RAVER2: variants seen among roughly 807,000 people sequenced by gnomAD.
RAVER2 encodes ribonucleoprotein, PTB binding 2.
RAVER2 carries 46 observed loss-of-function variants against 78.1 expected under a neutral mutation model. The observed-to-expected ratio is 0.59, with a 90% confidence interval of 0.46 to 0.75. The LOEUF is 0.75. Ranked by LOEUF, RAVER2 falls within the 30% of genes least tolerant of loss-of-function variation. The probability of loss-of-function intolerance (pLI) is 0.00; values close to 1 mark genes in which losing one functional copy is unlikely to be tolerated. For missense variants in RAVER2, 793 were observed against 837.5 expected (o/e 0.95, Z 0.66); for synonymous variants, 311 against 313.3 (o/e 0.99, Z 0.08).
intron 11 of RAVER2, among the ~76,000 whole-genome samples, chr1:64,823,209 T>A (rs988224416): frequency 6.6e-6 from 1 of 152,220 alleles, no homozygotes; most frequent in African/African-American, 2.4e-5. Context: ...CATTTTCATT[T>A]AGTGTTTTAG....
At chr1:64,799,517 A>G (rs886194724) in intron 5 of RAVER2, among the ~76,000 whole-genome samples, 1 of 152,108 alleles carries the variant, frequency 6.6e-6, no homozygotes, top group Non-Finnish European at 1.5e-5. Context: ...ATCTCAGCTC[A>G]CTGCAACCTC....
chr1:64,759,125 G>C (rs996861256), intron 1 of RAVER2, among the ~76,000 whole-genome samples: 1 of 151,672 alleles, frequency 6.6e-6, no homozygotes, highest in Non-Finnish European at 1.5e-5. Flanking sequence ...TTGAAGAAGT[G>C]AGTTACAAAT....
At chr1:64,780,144 G>A (rs1471147123) in intron 3 of RAVER2, among the ~76,000 whole-genome samples, 1 of 152,052 alleles carries the variant, frequency 6.6e-6, no homozygotes, top group South Asian at 2.1e-4. Flanking sequence ...TTTATCAGTG[G>A]GTCTGTTAAC....
intron 1 of RAVER2, among the ~76,000 whole-genome samples, chr1:64,763,767 G>A (rs1408667346): frequency 6.6e-6 from 1 of 152,022 alleles, no homozygotes; most frequent in African/African-American, 2.4e-5. Flanking sequence ...GCTGGGCATG[G>A]TGATGGGCAC....
At position 64,828,329 on chromosome 1, in the gene RAVER2, AG is replaced by A. The variant is rs528022474; in HGVS notation, c.1930-2508del. Among the ~76,000 whole-genome samples, 347 of 152,266 alleles carry A rather than the reference AG, an allele frequency of 2.3e-3. 1 individual carries two copies. The highest frequency in any genetic ancestry group is 8.0e-3 in the African/African-American group (334 of 41,556). On this transcript the variant is annotated intron_variant, in intron 11 of 11. Coordinates refer to ENST00000294428, the Ensembl canonical transcript of RAVER2. The stretch of plus-strand genomic sequence containing the variant: ...GGCATAGTCCAAGTTTCATTCATCC[AG>A]GTAAACCTCATAGCACACAAGCCCA...
At chr1:64,783,805 G>T (rs535939194) in intron 4 of RAVER2, among the ~76,000 whole-genome samples, 6 of 152,262 alleles carry the variant, frequency 3.9e-5, no homozygotes, top group African/African-American at 1.4e-4. Context: ...AAAAGCAATG[G>T]CAACAAAAGC....
intron 10 of RAVER2, among the ~76,000 whole-genome samples, 170 bp downstream of exon 10, chr1:64,813,019 G>A (rs571552413): frequency 6.6e-6 from 1 of 152,042 alleles, no homozygotes; most frequent in Non-Finnish European, 1.5e-5. Flanking sequence ...CTCAAAATGC[G>A]TGCTATTTTA....
At chr1:64,802,931 T>G (rs1557600248) in intron 5 of RAVER2, 45 bp from the exon 6 acceptor site, 1 of 1,372,774 alleles carries the variant, frequency 7.3e-7, no homozygotes, top group Admixed American at 2.0e-5. Context: ...TAAAAATTTT[T>G]AATTCCATAT....
At chr1:64,755,745 TTTTTTTTTG>T in intron 1 of RAVER2, among the ~76,000 whole-genome samples, 1 of 145,800 alleles carries the variant, frequency 6.9e-6, no homozygotes, top group African/African-American at 2.5e-5. Flanking sequence ...TTTTTTTTTT[TTTTTTTTTG>T]TAGCCAGAAC....
intron 1 of RAVER2, among the ~76,000 whole-genome samples, chr1:64,758,893 AAATAT>A (rs1205351449): frequency 6.6e-6 from 1 of 151,840 alleles, no homozygotes; most frequent in East Asian, 1.9e-4. Flanking sequence ...TTTGAAAGAA[AAATAT>A]TTAAATATTT....
chr1:64,766,563 G>A (rs1446228631), intron 1 of RAVER2, among the ~76,000 whole-genome samples: 1 of 152,140 alleles, frequency 6.6e-6, no homozygotes, highest in Non-Finnish European at 1.5e-5. Context: ...AGATATGGGT[G>A]TTTTCAACAT....
intron 11 of RAVER2, among the ~76,000 whole-genome samples, chr1:64,830,298 C>G (rs912013132): frequency 2.0e-5 from 3 of 152,188 alleles, no homozygotes; most frequent in Non-Finnish European, 4.4e-5. Context: ...ATATGCTCGC[C>G]AGGCGATTAT....
intron 2 of RAVER2, among the ~76,000 whole-genome samples, chr1:64,776,165 G>A (rs774890840): frequency 6.6e-6 from 1 of 152,050 alleles, no homozygotes; most frequent in Non-Finnish European, 1.5e-5. Context: ...TTGTTGGCTC[G>A]TTTGTTTTAG....
intron 5 of RAVER2, among the ~76,000 whole-genome samples, chr1:64,795,079 C>G (rs1306847680): frequency 6.6e-6 from 1 of 151,934 alleles, no homozygotes; most frequent in African/African-American, 2.4e-5. Flanking sequence ...GATAATGTTT[C>G]ATTGAATATT....
intron 11 of RAVER2, among the ~76,000 whole-genome samples, chr1:64,822,885 C>G (rs1043968992): frequency 7.9e-5 from 12 of 152,176 alleles, no homozygotes; most frequent in Admixed American, 5.9e-4. Flanking sequence ...CATGCTACAA[C>G]ATTGGTGAAC....
intron 1 of RAVER2, among the ~76,000 whole-genome samples, chr1:64,753,551 G>A (rs1055526040): frequency 3.0e-5 from 4 of 134,818 alleles, no homozygotes; most frequent in African/African-American, 1.1e-4. Flanking sequence ...TTTTGGAAAC[G>A]GAGTCTCACT....
chr1:64,832,082 A>G (rs912281623), exon 12 of RAVER2: 2 of 152,618 alleles, frequency 1.3e-5, no homozygotes, highest in Non-Finnish European at 2.9e-5. Flanking sequence ...TTGTAAGTGG[A>G]AAGGAACATG....
chr1:64,746,116 T>G (rs1557577625), intron 1 of RAVER2, among the ~76,000 whole-genome samples: 1 of 152,204 alleles, frequency 6.6e-6, no homozygotes, highest in African/African-American at 2.4e-5. Context: ...GATTAACTGT[T>G]GCTTTTAAGA....
At chr1:64,808,614 G>T (rs1020475813) in intron 9 of RAVER2, among the ~76,000 whole-genome samples, 1 of 151,732 alleles carries the variant, frequency 6.6e-6, no homozygotes, top group Admixed American at 6.6e-5. Context: ...TGCACACACC[G>T]CCATACCTGG....
Sources: allele counts gnomAD v4.1 joint callset (sites outside exome capture counted in the v4.1 genomes callset), GRCh38; gene constraint gnomAD v4.1.1; transcripts MANE v1.5; gene names NCBI Gene and HGNC (gene_info 2026-07-23, HGNC 2026-07-21).